UACA: variants seen among roughly 807,000 people sequenced by gnomAD.
UACA encodes the protein uveal autoantigen with coiled-coil domains and ankyrin repeats, also known as nuclear membrane binding protein.
UACA carries 112 observed loss-of-function variants against 160.5 expected under a neutral mutation model. The ratio of observed to expected loss-of-function variants is 0.70; its 90% confidence interval spans 0.60 to 0.82. The LOEUF is 0.82. Among genes scored for constraint, UACA ranks in the 40% least tolerant of loss-of-function variants. The pLI, the probability that UACA is intolerant of heterozygous loss-of-function variation, is 0.00. For missense variants in UACA, 1,574 were observed against 1,614.6 expected (o/e 0.97, Z 0.43); for synonymous variants, 557 against 568.4 (o/e 0.98, Z 0.29).
intron 16 of UACA, 22 bp from the exon 17 acceptor site, chr15:70,664,836 GA>G (rs745665606): frequency 6.3e-7 from 1 of 1,596,906 alleles, no homozygotes; most frequent in Non-Finnish European, 8.5e-7. Context: ...TGTTGTAGGA[GA>G]AATATATTAT....
At chr15:70,685,917 G>A (rs1897697076) in intron 7 of UACA, among the ~76,000 whole-genome samples, 1 of 152,016 alleles carries the variant, frequency 6.6e-6, no homozygotes, top group Non-Finnish European at 1.5e-5. Flanking sequence ...TGGGATTACA[G>A]GCACGCACCA....
chr15:70,668,195 A>T lies in UACA; in HGVS notation c.2489T>A (p.Leu830His), dbSNP rs565495606. ...CTGGTCTTCACCACATTTTTTCTTAAGTTCAGACAGCTGTTTCTTAAGTTC... is the reference window on the plus strand; with the variant it reads ...CTGGTCTTCACCACATTTTTTCTTATGTTCAGACAGCTGTTTCTTAAGTTC... The part of the protein sequence containing the change: ...IVELKKQLSE[L>H]KKKCGEDQEK... The change falls in exon 16 of 19, where the codon CTT (leucine) becomes CAT (histidine). Residue 830 changes from leucine (L) to histidine (H), a missense_variant. Leu to His is a moderately conservative substitution (Grantham distance 99, BLOSUM62 -3). Coordinates refer to ENST00000322954, the MANE Select transcript of UACA (RefSeq NM_018003.4). 1.5e-4 allele frequency: 249 copies of T among 1,610,736 alleles called. 1 individual carries two copies. The Admixed American group carries it at 4.1e-3, about 27-fold the overall frequency.
At chr15:70,711,719 TATA>T (rs1898687033) in intron 1 of UACA, among the ~76,000 whole-genome samples, 1 of 152,086 alleles carries the variant, frequency 6.6e-6, no homozygotes, top group African/African-American at 2.4e-5. Flanking sequence ...GATCTCAAAG[TATA>T]ATAAGGCAGA....
chr15:70,694,088 G>A (rs750924879), intron 3 of UACA, among the ~76,000 whole-genome samples: 29 of 152,020 alleles, frequency 1.9e-4, no homozygotes, highest in Non-Finnish European at 3.2e-4. Flanking sequence ...ATAAAAAACT[G>A]TAAAAACTAA....
intron 3 of UACA, among the ~76,000 whole-genome samples, chr15:70,691,647 C>T (rs551775075): frequency 6.6e-6 from 1 of 152,042 alleles, no homozygotes; most frequent in Non-Finnish European, 1.5e-5. Flanking sequence ...AGAACAGTAC[C>T]TAAAACACAG....
intron 12 of UACA, 75 bp from the exon 13 acceptor site, chr15:70,676,666 G>A (rs1455758627): frequency 2.9e-5 from 37 of 1,286,144 alleles, no homozygotes; most frequent in Middle Eastern, 1.8e-4. Context: ...TTTAGAAAAC[G>A]TGAATTGGAA....
At chr15:70,706,085 C>T (rs1046219266) in intron 1 of UACA, among the ~76,000 whole-genome samples, 4 of 152,126 alleles carry the variant, frequency 2.6e-5, no homozygotes, top group African/African-American at 9.7e-5. Context: ...CCATGATCAA[C>T]TGTATAATCT....
intron 1 of UACA, among the ~76,000 whole-genome samples, chr15:70,748,367 G>C (rs924225601): frequency 2.0e-5 from 3 of 151,784 alleles, no homozygotes; most frequent in Non-Finnish European, 2.9e-5. Flanking sequence ...GACAAACATG[G>C]GTGACACAGT....
rs533376326 is a variant in UACA at position 70,689,670 on chromosome 15, T to C, written c.424+784A>G. 2.0e-5 allele frequency among the ~76,000 whole-genome samples: 3 copies of C among 151,954 alleles called. No individual in the cohort carries two copies. In the South Asian group the frequency reaches 6.2e-4, roughly 32 times the overall value. ...ATACATGAAAAGAGAAAGTAGACTG[T>C]TTTTTTTCCTTTGGCCTTATAGTTA... On this transcript the variant is annotated intron_variant, in intron 5 of 18. Coordinates refer to ENST00000322954, the MANE Select transcript of UACA (RefSeq NM_018003.4).
chr15:70,715,217 T>C (rs913727447), intron 1 of UACA, among the ~76,000 whole-genome samples: 1 of 152,190 alleles, frequency 6.6e-6, no homozygotes, highest in Non-Finnish European at 1.5e-5. Context: ...TCTATCCCTA[T>C]ATATACCAAT....
chr15:70,760,156 T>C lies in UACA; in HGVS notation c.78+3174A>G, dbSNP rs146724247. Among the ~76,000 whole-genome samples the C allele has an allele frequency of 2.1e-3, 322 of 151,988 alleles. 1 individual carries two copies. The highest frequency in any genetic ancestry group is 2.5e-3 in the Non-Finnish European group (171 of 67,942). ...GTTTAAGACCCAAATTAAGTACCCA[T>C]AGAGGAAAGAGAAGAAAGTAAGATG... On this transcript the variant is annotated intron_variant, in intron 1 of 18. Transcript: ENST00000322954.
At chr15:70,751,083 C>CAA (rs34272258) in intron 1 of UACA, among the ~76,000 whole-genome samples, 2 of 151,806 alleles carry the variant, frequency 1.3e-5, no homozygotes, top group African/African-American at 2.4e-5. Flanking sequence ...GCTTATCCTA[C>CAA]AAAAAAAACC....
At chr15:70,676,660 G>T in intron 12 of UACA, 69 bp from the exon 13 acceptor site, 1 of 1,341,542 alleles carries the variant, frequency 7.5e-7, no homozygotes, top group Non-Finnish European at 1.1e-6. Flanking sequence ...ATGTGTTTTA[G>T]AAAACGTGAA....
chr15:70,777,911 T>C, the UACA span, among the ~76,000 whole-genome samples: 1 of 152,234 alleles, frequency 6.6e-6, no homozygotes, highest in Non-Finnish European at 1.5e-5. Flanking sequence ...TTTATATACA[T>C]GGTTACAGGT....
intron 1 of UACA, among the ~76,000 whole-genome samples, chr15:70,744,255 A>G (rs1188650863): frequency 6.7e-6 from 1 of 149,952 alleles, no homozygotes; most frequent in Non-Finnish European, 1.5e-5. Context: ...TCTCAAAAAA[A>G]AAAAAAAAAA....
At chr15:70,701,030 T>C (rs1898341852) in intron 1 of UACA, among the ~76,000 whole-genome samples, 1 of 152,056 alleles carries the variant, frequency 6.6e-6, no homozygotes, top group African/African-American at 2.4e-5. Flanking sequence ...TAATGTAAAA[T>C]TAAATACTTG....
At chr15:70,679,880 T>C (rs1381888902) in intron 9 of UACA, 1 of 303,958 alleles carries the variant, frequency 3.3e-6, no homozygotes, top group Non-Finnish European at 6.0e-6. Context: ...CAAGTATAAC[T>C]TATTTAAAAA....
At chr15:70,727,105 A>T (rs1167753420) in intron 1 of UACA, among the ~76,000 whole-genome samples, 2 of 152,230 alleles carry the variant, frequency 1.3e-5, no homozygotes, top group Non-Finnish European at 2.9e-5. Context: ...TTAGAAAAAT[A>T]TGCAGCTTTT....
intron 1 of UACA, among the ~76,000 whole-genome samples, chr15:70,750,307 G>A (rs962866668): frequency 6.6e-6 from 1 of 152,094 alleles, no homozygotes; most frequent in African/African-American, 2.4e-5. Context: ...GGAACCACAG[G>A]AAGAAGTCCC....
Sources: allele counts gnomAD v4.1 joint callset (sites outside exome capture counted in the v4.1 genomes callset), GRCh38; gene constraint gnomAD v4.1.1; transcripts MANE v1.5; gene names NCBI Gene and HGNC (gene_info 2026-07-23, HGNC 2026-07-21).